The following ATP8A1 variants were observed in gnomAD, a reference collection of about 807,000 sequenced individuals.
ATP8A1 encodes ATPase phospholipid transporting 8A1, also known as phospholipid-transporting ATPase IA.
In ATP8A1, 90 loss-of-function variants were observed where a neutral mutation model predicts 177.7. The ratio of observed to expected loss-of-function variants is 0.51; its 90% CI spans 0.43 to 0.60. ATP8A1 has a LOEUF of 0.60. Ranked by LOEUF, ATP8A1 falls within the 20% of genes least tolerant of loss-of-function variation. The pLI is 0.00. For missense variants in ATP8A1, 1,072 were observed against 1,392.8 expected (o/e 0.77, Z 3.67); for synonymous variants, 493 against 485.9 (o/e 1.01, Z -0.19).
chr4:42,640,118 G>A (rs1050624952), intron 1 of ATP8A1, among the ~76,000 whole-genome samples: 1 of 152,118 alleles, frequency 6.6e-6, no homozygotes, highest in African/African-American at 2.4e-5. Flanking sequence ...AAAAGAAGAT[G>A]GATCATAAAG....
intron 5 of ATP8A1, among the ~76,000 whole-genome samples, chr4:42,611,192 A>G (rs1267911439): frequency 6.6e-6 from 1 of 152,218 alleles, no homozygotes; most frequent in African/African-American, 2.4e-5. Context: ...GTTAGTGGCT[A>G]TCAGCTGTCA....
intron 24 of ATP8A1, among the ~76,000 whole-genome samples, chr4:42,501,651 G>A (rs140771066): frequency 6.1e-4 from 93 of 152,190 alleles, no homozygotes; most frequent in African/African-American, 1.9e-3. Context: ...CCATATCAAC[G>A]AAAAAATAAT....
intron 1 of ATP8A1, among the ~76,000 whole-genome samples, chr4:42,646,993 G>A (rs1221697622): frequency 4.6e-5 from 7 of 152,086 alleles, no homozygotes; most frequent in Admixed American, 4.6e-4. Context: ...AAAATGAATA[G>A]GAAGACATGG....
intron 6 of ATP8A1, among the ~76,000 whole-genome samples, chr4:42,596,062 C>A (rs1734686465): frequency 6.6e-6 from 1 of 152,212 alleles, no homozygotes; most frequent in Admixed American, 6.5e-5. Context: ...AGATCAATTT[C>A]TCAAAAGACA....
Position 42,485,068 on chromosome 4 carries a change from T to C in ATP8A1, c.2324+428A>G, listed in dbSNP as rs1722057580. On this transcript the variant is annotated intron_variant, in intron 25 of 36. Coordinates refer to ENST00000381668, the MANE Select transcript of ATP8A1 (RefSeq NM_006095.2). The stretch of plus-strand genomic sequence containing the variant: ...TTTTATAAATTAGAGGGCAAAGGAA[T>C]GTATAGTCAATAAATACCTCTCAGA... Among the ~76,000 whole-genome samples, 3 of 152,334 alleles carry C rather than the reference T, an allele frequency of 2.0e-5. No individual in the cohort carries two copies. The South Asian group carries it at 6.2e-4, about 32-fold the overall frequency.
chr4:42,586,591 T>G, intron 8 of ATP8A1, 115 bp from the exon 9 acceptor site: 1 of 1,003,296 alleles, frequency 1.0e-6, no homozygotes, highest in East Asian at 2.6e-5. Context: ...ATTATTTTTA[T>G]AAGCAATTCT....
At chr4:42,440,335 G>GTTTT (rs35291607) in intron 33 of ATP8A1, among the ~76,000 whole-genome samples, 4 of 135,500 alleles carry the variant, frequency 3.0e-5, no homozygotes, top group Admixed American at 7.5e-5. Context: ...AGCTCCTCCA[G>GTTTT]TTTTTTTTTT....
intron 25 of ATP8A1, among the ~76,000 whole-genome samples, chr4:42,466,251 A>G (rs941580162): frequency 3.3e-5 from 5 of 152,208 alleles, no homozygotes; most frequent in African/African-American, 4.8e-5. Context: ...AACATCTCAG[A>G]GCTAAATTAT....
rs1347390598 is a variant in ATP8A1, at chr4:42,537,120, G to C, written c.1722+6797C>G. On this transcript the variant is annotated intron_variant, in intron 20 of 36. Coordinates refer to ENST00000381668, the MANE Select transcript of ATP8A1 (RefSeq NM_006095.2). ...GCACTCCAGCCTGGGCAAAAAGAGC[G>C]AAACTCCGTCTCAAAAAAAAAAAAA... Among the ~76,000 whole-genome samples the C allele has an allele frequency of 3.8e-5, 5 of 132,952 alleles. No individual in the cohort carries two copies. In the Admixed American group the frequency reaches 4.1e-4, roughly 11 times the overall value. 87.2% of individuals were successfully genotyped at this position (132,952 alleles called of 152,430 possible).
intron 25 of ATP8A1, among the ~76,000 whole-genome samples, chr4:42,471,046 G>A (rs1211866269): frequency 4.6e-5 from 7 of 151,908 alleles, no homozygotes. Context: ...ATTTCACATT[G>A]AGAAAAAATT....
chr4:42,570,573 C>G (rs979869753), intron 14 of ATP8A1, among the ~76,000 whole-genome samples: 1 of 147,240 alleles, frequency 6.8e-6, no homozygotes, highest in African/African-American at 2.7e-5. Context: ...CTCCAGAGCT[C>G]AAGTGCCAGA....
chr4:42,501,405 C>T (rs1251316607), intron 24 of ATP8A1, among the ~76,000 whole-genome samples: 1 of 152,224 alleles, frequency 6.6e-6, no homozygotes, highest in Non-Finnish European at 1.5e-5. Flanking sequence ...TTTTAATTTG[C>T]TGACGGTCCC....
intron 1 of ATP8A1, chr4:42,637,317 G>A (rs1739498063): frequency 4.3e-6 from 2 of 461,548 alleles, no homozygotes; most frequent in South Asian, 3.3e-5. Flanking sequence ...AGTCCAGCAC[G>A]TTCTGGGACA....
intron 25 of ATP8A1, among the ~76,000 whole-genome samples, chr4:42,468,477 A>G (rs1193484120): frequency 6.6e-6 from 1 of 152,032 alleles, no homozygotes; most frequent in Admixed American, 6.6e-5. Flanking sequence ...ACATATATGA[A>G]TGAGATGGAA....
At chr4:42,417,868 T>A (rs1713426486) in intron 35 of ATP8A1, among the ~76,000 whole-genome samples, 1 of 152,216 alleles carries the variant, frequency 6.6e-6, no homozygotes, top group African/African-American at 2.4e-5. Context: ...ATAACAGGCC[T>A]ATCTCTGCCC....
At position 42,657,018 on chromosome 4, in the gene ATP8A1, G is replaced by A. The variant is rs902346357; in HGVS notation, c.-145C>T. 245 of 822,958 alleles carry A rather than the reference G, an allele frequency of 3.0e-4. 1 individual carries two copies. The highest frequency in any genetic ancestry group is 3.8e-4 in the Non-Finnish European group (231 of 613,290). 51.0% of individuals were successfully genotyped at this position (822,958 alleles called of 1,614,324 possible). A position where few individuals can be genotyped will look rare whatever the true frequency, so the allele number is the denominator to read the frequency against. On this transcript the variant is annotated 5_prime_UTR_variant, in exon 1 of 37. Transcript: ENST00000381668. Reference sequence around the variant, plus strand: ...GCCCACCTAGGGCAGAGCTGCCGCCGGGCGCGGCCCCCGCACGCCGACAGG... The same window carrying A: ...GCCCACCTAGGGCAGAGCTGCCGCCAGGCGCGGCCCCCGCACGCCGACAGG...
chr4:42,412,360 T>C lies in ATP8A1; in HGVS notation c.*556A>G, dbSNP rs1384408157. 1 of 152,224 alleles carries C rather than the reference T, an allele frequency of 6.6e-6. No homozygotes were observed. The highest frequency in any genetic ancestry group is 2.4e-5 in the African/African-American group (1 of 41,466). The allele number at this position is 152,224 out of a possible 1,614,324, so 9.4% of individuals were successfully genotyped here. A position where few individuals can be genotyped will look rare whatever the true frequency, so the allele number is the denominator to read the frequency against. On this transcript the variant is annotated 3_prime_UTR_variant, in exon 37 of 37. Coordinates refer to ENST00000381668, the MANE Select transcript of ATP8A1 (RefSeq NM_006095.2). ...ATTTCTGGGCATATGACTACTGAACTAGAAAAACACTTACTGAACCTCTTT... is the reference window on the plus strand; with the variant it reads ...ATTTCTGGGCATATGACTACTGAACCAGAAAAACACTTACTGAACCTCTTT...
At chr4:42,627,824 G>C (rs1738272205) in intron 1 of ATP8A1, among the ~76,000 whole-genome samples, 1 of 152,132 alleles carries the variant, frequency 6.6e-6, no homozygotes, top group African/African-American at 2.4e-5. Flanking sequence ...AAAAATCAAA[G>C]GGGTGACAAC....
chr4:42,465,119 G>A, intron 25 of ATP8A1, 43 bp from the exon 26 acceptor site: 1 of 1,555,910 alleles, frequency 6.4e-7, no homozygotes, highest in Non-Finnish European at 8.8e-7. Context: ...TCTGAAAAAA[G>A]GAATTTTGAA....
Sources: gnomAD v4.1 joint callset for allele counts (sites outside exome capture counted in the v4.1 genomes callset) on GRCh38, gnomAD v4.1.1 for gene constraint, MANE v1.5 for transcripts, NCBI Gene and HGNC (gene_info 2026-07-23, HGNC 2026-07-21) for gene names.